The following KCNMA1 variants were observed in gnomAD, a reference collection of about 807,000 sequenced individuals.
The protein encoded by KCNMA1 is potassium calcium-activated channel subfamily M alpha 1.
KCNMA1 carries 29 observed loss-of-function variants against 140.0 expected under a neutral mutation model. The observed-to-expected ratio is 0.21, with a 90% CI of 0.15 to 0.28. The LOEUF is 0.28. Ranked by LOEUF, KCNMA1 falls within the 10% of genes least tolerant of loss-of-function variation. KCNMA1 has a pLI of 1.00. For synonymous variants in KCNMA1, 612 were observed against 611.9 expected (o/e 1.00, Z 0.00); for missense variants, 880 against 1,602.2 (o/e 0.55, Z 7.70).
intron 2 of KCNMA1, among the ~76,000 whole-genome samples, chr10:77,293,712 G>A (rs1252378636): frequency 6.6e-6 from 1 of 152,186 alleles, no homozygotes; most frequent in East Asian, 1.9e-4. Context: ...CTCTTTCTCT[G>A]CTACATCAGA....
chr10:77,390,796 A>G (rs2095794052), intron 2 of KCNMA1, among the ~76,000 whole-genome samples: 1 of 152,154 alleles, frequency 6.6e-6, no homozygotes, highest in Admixed American at 6.5e-5. Flanking sequence ...AGACTTCAGC[A>G]GCAGCCAGGG....
At chr10:76,916,028 A>G (rs868314237) in intron 23 of KCNMA1, among the ~76,000 whole-genome samples, 9 of 151,364 alleles carry the variant, frequency 5.9e-5, no homozygotes, top group Middle Eastern at 3.4e-3. Flanking sequence ...ACACACACAC[A>G]CACACACACA....
chr10:77,266,982 A>C (rs1393266519), intron 2 of KCNMA1, among the ~76,000 whole-genome samples: 4 of 152,186 alleles, frequency 2.6e-5, no homozygotes, highest in South Asian at 4.1e-4. Flanking sequence ...ACAGACACTC[A>C]ACAAATGACC....
intron 1 of KCNMA1, among the ~76,000 whole-genome samples, chr10:77,621,455 G>C (rs2091341189): frequency 6.6e-6 from 1 of 151,968 alleles, no homozygotes; most frequent in Non-Finnish European, 1.5e-5. Context: ...GACTTCGCTG[G>C]TGGGTGCAAA....
chr10:77,014,754 G>A (rs1309347721), intron 17 of KCNMA1, among the ~76,000 whole-genome samples: 1 of 152,188 alleles, frequency 6.6e-6, no homozygotes, highest in Non-Finnish European at 1.5e-5. Flanking sequence ...TGAGGCAAGG[G>A]TCGGGGGTGT....
intron 1 of KCNMA1, among the ~76,000 whole-genome samples, chr10:77,444,711 G>A (rs966613042): frequency 7.9e-5 from 12 of 152,160 alleles, no homozygotes; most frequent in East Asian, 3.9e-4. Flanking sequence ...GAACTTCCCC[G>A]GCATTCAAAA....
chr10:77,184,062 TCACACACACA>T (rs3068684), intron 4 of KCNMA1, among the ~76,000 whole-genome samples: 2 of 147,912 alleles, frequency 1.4e-5, no homozygotes, highest in Admixed American at 1.4e-4. Context: ...ATGTACGCAT[TCACACACACA>T]CACACACACA....
At position 77,547,305 on chromosome 10, in the gene KCNMA1, G is replaced by A. The variant is rs538236938; in HGVS notation, c.378+89960C>T. On this transcript the variant is annotated intron_variant, in intron 1 of 27. Coordinates refer to ENST00000286628, the MANE Select transcript of KCNMA1 (RefSeq NM_001161352.2). Reference sequence around the variant, plus strand: ...TGCCTCCCCACAGGGCTGCAATCCCGACCATGGATTATTAAGGAGTCCACA... The same window carrying A: ...TGCCTCCCCACAGGGCTGCAATCCCAACCATGGATTATTAAGGAGTCCACA... Among the ~76,000 whole-genome samples, 8 of 152,234 alleles carry A rather than the reference G, an allele frequency of 5.3e-5. No individual in the cohort carries two copies. In the South Asian group the frequency reaches 1.2e-3, roughly 24 times the overall value.
rs548450270 is a variant in KCNMA1, at chr10:77,002,018, T to C, written c.2093-438A>G. On this transcript the variant is annotated intron_variant, in intron 18 of 27. Transcript: ENST00000286628. ...GCTTATTTGGTATAATAAATGGTTT[T>C]TGCAAGATGCAAAAATATCTAATAT... 2.6e-5 allele frequency among the ~76,000 whole-genome samples: 4 copies of C among 152,344 alleles called. No individual in the cohort carries two copies. In the East Asian group the frequency reaches 7.7e-4, roughly 29 times the overall value.
chr10:77,465,425 A>G (rs1191441209), intron 1 of KCNMA1, among the ~76,000 whole-genome samples: 2 of 152,150 alleles, frequency 1.3e-5, no homozygotes, highest in Admixed American at 6.5e-5. Flanking sequence ...CAGGTCTTAA[A>G]AGGAATTCTG....
chr10:77,225,630 C>T (rs1249772798), intron 3 of KCNMA1, among the ~76,000 whole-genome samples: 1 of 152,206 alleles, frequency 6.6e-6, no homozygotes, highest in Non-Finnish European at 1.5e-5. Flanking sequence ...TGGGAAACTC[C>T]TGCGGCTGTC....
intron 19 of KCNMA1, among the ~76,000 whole-genome samples, chr10:76,998,631 C>A (rs1190080342): frequency 6.6e-6 from 1 of 152,280 alleles, no homozygotes; most frequent in East Asian, 1.9e-4. Flanking sequence ...CCTTCTCCTG[C>A]CATTTCTAAT....
At chr10:77,211,397 A>C (rs1416086753) in intron 3 of KCNMA1, among the ~76,000 whole-genome samples, 1 of 152,124 alleles carries the variant, frequency 6.6e-6, no homozygotes, top group Non-Finnish European at 1.5e-5. Flanking sequence ...TAACTGGCTA[A>C]CCATACGTAG....
intron 1 of KCNMA1, among the ~76,000 whole-genome samples, chr10:77,583,442 G>A (rs16935090): frequency 0.27 from 40,684 of 152,150 alleles, 5,760 homozygotes; most frequent in East Asian, 0.54. Flanking sequence ...GCATCTCTGA[G>A]TACTGGATGT....
intron 1 of KCNMA1, among the ~76,000 whole-genome samples, chr10:77,576,536 AC>A (rs35276091): frequency 0.39 from 58,841 of 151,862 alleles, 12,296 homozygotes; most frequent in Non-Finnish European, 0.48. Flanking sequence ...AGTCCCCTCC[AC>A]TGGAGACGTG....
intron 25 of KCNMA1, among the ~76,000 whole-genome samples, chr10:76,908,681 G>A (rs1384187526): frequency 2.6e-5 from 4 of 152,174 alleles, no homozygotes; most frequent in African/African-American, 7.2e-5. Context: ...AGAAATATAC[G>A]TGTGTAAAAA....
At chr10:77,602,505 G>A (rs1439197956) in intron 1 of KCNMA1, among the ~76,000 whole-genome samples, 1 of 152,146 alleles carries the variant, frequency 6.6e-6, no homozygotes, top group Admixed American at 6.5e-5. Context: ...ACAACTCTCT[G>A]TATATACTAA....
chr10:76,877,428 T>A (rs1469955429), downstream of KCNMA1: 1 of 164,008 alleles, frequency 6.1e-6, no homozygotes, highest in Non-Finnish European at 1.3e-5. Flanking sequence ...ATTGTTTAGA[T>A]ATAGGGAAGA....
At chr10:77,070,277 G>C (rs767718720) in intron 14 of KCNMA1, among the ~76,000 whole-genome samples, 10 of 152,068 alleles carry the variant, frequency 6.6e-5, no homozygotes, top group Non-Finnish European at 1.3e-4. Context: ...AGGAGTTTGA[G>C]ACCAACCTAG....
Sources: gnomAD v4.1 joint callset for allele counts (sites outside exome capture counted in the v4.1 genomes callset) on GRCh38, gnomAD v4.1.1 for gene constraint, MANE v1.5 for transcripts, NCBI Gene and HGNC (gene_info 2026-07-23, HGNC 2026-07-21) for gene names.